TNPO3: variants seen among roughly 807,000 people sequenced by gnomAD.
The protein encoded by TNPO3 is transportin 3.
Under a neutral mutation model 122.8 loss-of-function variants are expected in TNPO3, and 65 were observed. That is an observed-to-expected ratio of 0.53 (90% CI 0.43 to 0.65). The LOEUF (loss-of-function observed/expected upper bound fraction) is 0.65. TNPO3 is among the 30% of genes least tolerant of loss of function. The pLI is 0.00. For synonymous variants in TNPO3, 372 were observed against 411.2 expected (o/e 0.90, Z 1.15); for missense variants, 850 against 1,136.7 (o/e 0.75, Z 3.63).
chr7:128,969,222 A>T (rs958241088), intron 20 of TNPO3, among the ~76,000 whole-genome samples: 11 of 152,256 alleles, frequency 7.2e-5, no homozygotes, highest in African/African-American at 2.7e-4. Context: ...TAAGCAGAGT[A>T]TGAAGACTTT....
At chr7:128,974,253 C>T (rs1388448664) in intron 18 of TNPO3, among the ~76,000 whole-genome samples, 1 of 148,748 alleles carries the variant, frequency 6.7e-6, no homozygotes, top group East Asian at 2.0e-4. Context: ...AATGATATAA[C>T]AGTTGGGCTT....
intron 1 of TNPO3, among the ~76,000 whole-genome samples, chr7:129,034,335 A>G (rs1175496312): frequency 6.6e-6 from 1 of 152,084 alleles, no homozygotes; most frequent in African/African-American, 2.4e-5. Flanking sequence ...CAGTCTGGGC[A>G]ACAAGGTGAA....
At chr7:129,044,275 A>C (rs1441407648) in intron 1 of TNPO3, among the ~76,000 whole-genome samples, 1 of 152,194 alleles carries the variant, frequency 6.6e-6, no homozygotes, top group Non-Finnish European at 1.5e-5. Flanking sequence ...CAAAACATCT[A>C]TGTTTTCATG....
At chr7:129,002,835 G>A (rs1008582218) in intron 5 of TNPO3, among the ~76,000 whole-genome samples, 4 of 151,674 alleles carry the variant, frequency 2.6e-5, no homozygotes, top group East Asian at 3.9e-4. Flanking sequence ...GGTAGATCAC[G>A]AGGTCAGGAG....
At chr7:129,003,164 C>T (rs1051263675) in intron 5 of TNPO3, among the ~76,000 whole-genome samples, 9 of 147,896 alleles carry the variant, frequency 6.1e-5, no homozygotes, top group East Asian at 2.0e-4. Context: ...CGAAGGTTGC[C>T]GTGAGCCGAG....
chr7:129,035,959 T>C (rs1451211514), intron 1 of TNPO3, among the ~76,000 whole-genome samples: 10 of 146,914 alleles, frequency 6.8e-5, no homozygotes, highest in Non-Finnish European at 1.1e-4. Context: ...TCTTTTTTTT[T>C]TTTTTTTTTT....
At chr7:129,016,388 C>T (rs1397661079) in intron 3 of TNPO3, among the ~76,000 whole-genome samples, 1 of 152,124 alleles carries the variant, frequency 6.6e-6, no homozygotes, top group African/African-American at 2.4e-5. Flanking sequence ...GAGCGAGACT[C>T]CATCTCAAAA....
At chr7:128,976,853 T>C (rs1266451641) in intron 16 of TNPO3, among the ~76,000 whole-genome samples, 1 of 152,246 alleles carries the variant, frequency 6.6e-6, no homozygotes, top group Non-Finnish European at 1.5e-5. Flanking sequence ...AGATGGGAGC[T>C]ATGAATCCAT....
At chr7:128,969,776 G>A (rs1171252143) in intron 20 of TNPO3, among the ~76,000 whole-genome samples, 1 of 152,184 alleles carries the variant, frequency 6.6e-6, no homozygotes, top group Non-Finnish European at 1.5e-5. Flanking sequence ...ATAATACAGT[G>A]CTATAGAATA....
chr7:128,982,193 A>G, intron 14 of TNPO3, 55 bp downstream of exon 14: 1 of 1,469,790 alleles, frequency 6.8e-7, no homozygotes, highest in East Asian at 2.3e-5. Context: ...TCAATATACA[A>G]TGGTTTCATT....
chr7:129,006,496 T>A (rs935620345), intron 4 of TNPO3, among the ~76,000 whole-genome samples: 27 of 152,202 alleles, frequency 1.8e-4, no homozygotes, highest in African/African-American at 6.5e-4. Flanking sequence ...TTTCTCCTTG[T>A]AGTCTGTTTT....
intron 1 of TNPO3, among the ~76,000 whole-genome samples, chr7:129,022,000 T>C (rs544584990): frequency 2.6e-5 from 4 of 152,086 alleles, no homozygotes; most frequent in African/African-American, 9.6e-5. Flanking sequence ...ATATTGAACA[T>C]AGGCAAATAT....
At chr7:129,011,693 T>G (rs557513713) in intron 4 of TNPO3, among the ~76,000 whole-genome samples, 1 of 152,322 alleles carries the variant, frequency 6.6e-6, no homozygotes, top group South Asian at 2.1e-4. Flanking sequence ...GGTCTGGGTT[T>G]ATCAGATGAT....
rs1801445190 is a variant in TNPO3, at chr7:128,997,380, G to A, written c.1158+9C>T. 2 of 1,613,558 alleles carry A rather than the reference G, an allele frequency of 1.2e-6. No homozygotes were observed. Among genetic ancestry groups the A allele is most frequent in the Non-Finnish European group, 8.5e-7 (1 of 1,179,792 alleles). On this transcript the variant is annotated intron_variant, in intron 8 of 22. Transcript: ENST00000265388. Reference sequence around the variant, plus strand: ...ATTAAGATTTGAAGAGGTAGAGAAGGGAACTTACATGGTCTGGTTCCAGCT... The same window carrying A: ...ATTAAGATTTGAAGAGGTAGAGAAGAGAACTTACATGGTCTGGTTCCAGCT...
chr7:128,964,159 C>T (rs763673043), intron 21 of TNPO3, among the ~76,000 whole-genome samples: 1 of 151,970 alleles, frequency 6.6e-6, no homozygotes, highest in Non-Finnish European at 1.5e-5. Flanking sequence ...ATAAATGGAA[C>T]AATATACTGT....
intron 3 of TNPO3, among the ~76,000 whole-genome samples, chr7:129,016,567 C>T (rs1045597334): frequency 6.6e-6 from 1 of 152,180 alleles, no homozygotes; most frequent in African/African-American, 2.4e-5. Flanking sequence ...AAGTAGCAAG[C>T]TCTGTGTGTC....
intron 1 of TNPO3, among the ~76,000 whole-genome samples, chr7:129,025,796 G>A (rs1805078575): frequency 6.6e-6 from 1 of 151,486 alleles, no homozygotes; most frequent in South Asian, 2.1e-4. Flanking sequence ...GTGTTTCTGT[G>A]TTTACATTTA....
chr7:128,983,656 C>T (rs1159550799), intron 13 of TNPO3, among the ~76,000 whole-genome samples: 1 of 152,214 alleles, frequency 6.6e-6, no homozygotes, highest in Non-Finnish European at 1.5e-5. Flanking sequence ...TTTCTGCTAG[C>T]TCCAAGCTTT....
At chr7:128,996,883 T>A (rs1331039162) in intron 8 of TNPO3, among the ~76,000 whole-genome samples, 1 of 152,206 alleles carries the variant, frequency 6.6e-6, no homozygotes, top group Non-Finnish European at 1.5e-5. Flanking sequence ...CATATAACTC[T>A]TGTTATACTG....
Sources: gnomAD v4.1 joint callset for allele counts (sites outside exome capture counted in the v4.1 genomes callset) on GRCh38, gnomAD v4.1.1 for gene constraint, MANE v1.5 for transcripts, NCBI Gene and HGNC (gene_info 2026-07-23, HGNC 2026-07-21) for gene names.